The following TNS1 variants were observed in gnomAD, a reference collection of about 807,000 sequenced individuals.
TNS1 encodes the protein tensin-1.
In TNS1, 62 loss-of-function variants were observed where a neutral mutation model predicts 168.6. That is an observed-to-expected ratio of 0.37 (90% CI 0.30 to 0.45). TNS1 has a LOEUF of 0.45. TNS1 is among the 20% of genes least tolerant of loss of function. TNS1 has a pLI of 1.00. For missense variants in TNS1, 2,240 were observed against 2,339.4 expected (o/e 0.96, Z 0.88); for synonymous variants, 934 against 933.2 (o/e 1.00, Z -0.02).
At chr2:217,941,312 G>A (rs1236080384) in intron 3 of TNS1, among the ~76,000 whole-genome samples, 1 of 152,240 alleles carries the variant, frequency 6.6e-6, no homozygotes, top group African/African-American at 2.4e-5. Context: ...CAGGGATTGG[G>A]GGTGAAGCCT....
At chr2:217,855,665 T>C (rs1948047100) in intron 18 of TNS1, among the ~76,000 whole-genome samples, 1 of 152,180 alleles carries the variant, frequency 6.6e-6, no homozygotes, top group Non-Finnish European at 1.5e-5. Flanking sequence ...ATATGTAACC[T>C]GCATGGCTGT....
At chr2:217,962,321 T>C (rs922365294) in intron 3 of TNS1, among the ~76,000 whole-genome samples, 1 of 152,186 alleles carries the variant, frequency 6.6e-6, no homozygotes, top group African/African-American at 2.4e-5. Flanking sequence ...CGCATGCCTG[T>C]AATCCCAGCT....
chr2:217,804,733 T>A, intron 32 of TNS1, 130 bp from the exon 33 acceptor site: 1 of 1,180,304 alleles, frequency 8.5e-7, no homozygotes, highest in Non-Finnish European at 1.2e-6. Flanking sequence ...GGCCTCAGCA[T>A]CAGGGACTCA....
intron 22 of TNS1, among the ~76,000 whole-genome samples, chr2:217,830,724 G>T (rs1443297234): frequency 6.6e-6 from 1 of 152,254 alleles, no homozygotes; most frequent in Non-Finnish European, 1.5e-5. Flanking sequence ...CTCCTCAGCA[G>T]CAGAGTAAGA....
upstream of TNS1, among the ~76,000 whole-genome samples, chr2:218,014,858 G>GGGAA (rs1280990477): frequency 2.7e-4 from 37 of 136,174 alleles, no homozygotes; most frequent in African/African-American, 5.6e-4. Context: ...GATTGCAGGA[G>GGGAA]GGAAGGAAGG....
chr2:217,834,414 C>T (rs1169422091), intron 21 of TNS1, among the ~76,000 whole-genome samples: 2 of 152,262 alleles, frequency 1.3e-5, no homozygotes, highest in Non-Finnish European at 2.9e-5. Flanking sequence ...TAATCCATCA[C>T]TTCCTTCCCC....
At chr2:217,812,680 G>T (rs1052007597) in intron 27 of TNS1, among the ~76,000 whole-genome samples, 1 of 152,212 alleles carries the variant, frequency 6.6e-6, no homozygotes, top group Non-Finnish European at 1.5e-5. Flanking sequence ...TTTGCAGAAA[G>T]TTCCTCCTAA....
chr2:218,030,468 CT>C (rs1958882917), intron 1 of TNS1, among the ~76,000 whole-genome samples: 1 of 152,264 alleles, frequency 6.6e-6, no homozygotes, highest in Non-Finnish European at 1.5e-5. Flanking sequence ...TGACAACCCC[CT>C]GAGGGCAAGG....
intron 18 of TNS1, among the ~76,000 whole-genome samples, chr2:217,869,806 G>GGGCTTCTGGGCCAGCTCAGCTC (rs1421459557): frequency 6.6e-6 from 1 of 152,318 alleles, no homozygotes; most frequent in East Asian, 1.9e-4. Flanking sequence ...ACTCTGGTGA[G>GGGCTTCTGGGCCAGCTCAGCTC]GGCTTCTGGG....
Position 217,818,223 on chromosome 2 carries a change from G to A in TNS1, c.4109C>T (p.Thr1370Ile), listed in dbSNP as rs766711676. Residue 1370 changes from threonine (T) to isoleucine (I), a missense_variant, in exon 24 of 33, where the codon ACC becomes ATC. By Grantham distance (89) the Thr-to-Ile change is moderately conservative. This residue lies in a region of TNS1 where 2,131 missense variants were observed against 2,171.2 expected (regional missense o/e 0.98). Transcript: ENST00000682258. Reference protein sequence around the residue: ...VSGLHNKVATTPGSPSLGRHP... With the variant: ...VSGLHNKVATIPGSPSLGRHP... ...CCGGCCCAGGCTGGGACTCCCCGGG[G>A]TGGTGGCCACTTTGTTGTGGAGGCC... 2 of 1,613,826 alleles carry A rather than the reference G, an allele frequency of 1.2e-6. No homozygotes were observed. Among genetic ancestry groups the A allele is most frequent in the African/African-American group, 1.3e-5 (1 of 74,910 alleles).
intron 18 of TNS1, among the ~76,000 whole-genome samples, chr2:217,854,727 C>T (rs1947919390): frequency 6.6e-6 from 1 of 152,154 alleles, no homozygotes; most frequent in African/African-American, 2.4e-5. Context: ...TTTCCCTTAT[C>T]CACACACTCT....
At chr2:217,961,686 G>A (rs949364190) in intron 3 of TNS1, among the ~76,000 whole-genome samples, 6 of 152,128 alleles carry the variant, frequency 3.9e-5, no homozygotes, top group Non-Finnish European at 5.9e-5. Context: ...AAATCAGCCC[G>A]GTGGGACCCC....
At chr2:217,816,631 C>T (rs1320868128) in intron 24 of TNS1, among the ~76,000 whole-genome samples, 3 of 152,172 alleles carry the variant, frequency 2.0e-5, no homozygotes, top group Non-Finnish European at 2.9e-5. Context: ...TGCAGTCCCA[C>T]GTGCCTTCCT....
At chr2:218,000,949 C>T (rs776399093) in intron 1 of TNS1, among the ~76,000 whole-genome samples, 2 of 152,088 alleles carry the variant, frequency 1.3e-5, no homozygotes, top group Admixed American at 6.6e-5. Context: ...GTCAGGAGTT[C>T]GAGGCCAGCC....
At position 217,818,356 on chromosome 2, in the gene TNS1, C is replaced by G. The variant is rs759983608; in HGVS notation, c.3976G>C (p.Gly1326Arg). 2.1e-5 allele frequency: 34 copies of G among 1,614,060 alleles called. No homozygotes were observed. In the South Asian group the frequency reaches 3.6e-4, roughly 17 times the overall value. ...ACAGTGCTACCATGGAAGCCAGTGC[C>G]TGGTGGACCCATCATCTGGTGATGG... is the stretch of plus-strand genomic sequence containing the variant. ...LSHHQMMGPP[G>R]TGFHGSTVSS... Residue 1326 changes from glycine to arginine, a missense_variant, in exon 24 of 33, where the codon GGC (glycine) becomes CGC (arginine). Gly to Arg is a moderately radical substitution (Grantham distance 125, BLOSUM62 -2). Transcript: ENST00000682258.
intron 1 of TNS1, among the ~76,000 whole-genome samples, chr2:217,996,584 C>A (rs999260387): frequency 2.0e-5 from 3 of 152,056 alleles, no homozygotes; most frequent in Admixed American, 2.0e-4. Flanking sequence ...TCACTCTCAA[C>A]TCCTCCCTGC....
At chr2:218,013,537 G>A (rs1255939789), upstream of TNS1, among the ~76,000 whole-genome samples, 1 of 152,104 alleles carries the variant, frequency 6.6e-6, no homozygotes, top group African/African-American at 2.4e-5. Flanking sequence ...CCAGCTCCTC[G>A]CATCTCCCTC....
chr2:217,968,174 C>T (rs1957693023), intron 3 of TNS1, among the ~76,000 whole-genome samples: 1 of 152,194 alleles, frequency 6.6e-6, no homozygotes, highest in African/African-American at 2.4e-5. Flanking sequence ...TGTGAAAAAT[C>T]CACAGCTAAT....
At chr2:217,940,885 C>T (rs1441768540) in intron 3 of TNS1, among the ~76,000 whole-genome samples, 1 of 152,082 alleles carries the variant, frequency 6.6e-6, no homozygotes, top group Non-Finnish European at 1.5e-5. Flanking sequence ...AAAGCTTTGG[C>T]CCCAGCCCTC....
Sources: gnomAD v4.1 joint callset for allele counts (sites outside exome capture counted in the v4.1 genomes callset) on GRCh38, gnomAD v4.1.1 for gene constraint, gnomAD v4.1.1 regional missense constraint, MANE v1.5 for transcripts, NCBI Gene and HGNC (gene_info 2026-07-23, HGNC 2026-07-21) for gene names.